Variants in PSME3IP1 observed in about 807,000 individuals in gnomAD.
The protein encoded by PSME3IP1 is PSME3-interacting protein.
In PSME3IP1, 13 loss-of-function variants were observed where a neutral mutation model predicts 34.1. The observed-to-expected ratio is 0.38, with a 90% CI of 0.25 to 0.61. The LOEUF is 0.61. PSME3IP1 is among the 20% of genes least tolerant of loss of function. The pLI, the probability that PSME3IP1 is intolerant of heterozygous loss-of-function variation, is 0.60. For missense variants in PSME3IP1, 237 were observed against 301.4 expected (o/e 0.79, Z 1.58); for synonymous variants, 93 against 114.3 (o/e 0.81, Z 1.19).
chr16:57,180,754 A>ACAAACAAACAGACAAACAGGCTAGGC (rs1567450493), intron 1 of PSME3IP1, among the ~76,000 whole-genome samples: 2 of 152,114 alleles, frequency 1.3e-5, no homozygotes, highest in Non-Finnish European at 2.9e-5. Context: ...AAACAAACAA[A>ACAAACAAACAGACAAACAGGCTAGGC]CAAACAAACA....
chr16:57,171,652 G>A (rs1356087948), intron 4 of PSME3IP1, among the ~76,000 whole-genome samples: 1 of 152,204 alleles, frequency 6.6e-6, no homozygotes, highest in Admixed American at 6.5e-5. Context: ...AGGACTACCA[G>A]TTACTGGGAC....
rs1358421055 is a variant in PSME3IP1 at position 57,152,571 on chromosome 16, A to T, written c.*1719T>A. ...CATCAAGAGGCCATGAGATACAGTA[A>T]TGGCCTCTTAAGAGTCATGCCACAT... is the stretch of plus-strand genomic sequence containing the variant. On this transcript the variant is annotated 3_prime_UTR_variant, in exon 7 of 7. Transcript: ENST00000309137. 4 of 152,624 alleles carry T rather than the reference A, an allele frequency of 2.6e-5. No homozygotes were observed. Among genetic ancestry groups the T allele is most frequent in the Non-Finnish European group, 1.5e-5 (1 of 68,048 alleles). 9.5% of individuals were successfully genotyped at this position (152,624 alleles called of 1,614,324 possible).
intron 2 of PSME3IP1, 73 bp from the exon 3 acceptor site, chr16:57,172,947 T>A (rs2072769392): frequency 9.8e-7 from 1 of 1,018,604 alleles, no homozygotes; most frequent in African/African-American, 1.6e-5. Flanking sequence ...TCATATTATT[T>A]TGGAATCACA....
chr16:57,175,234 C>T (rs1275372232), intron 1 of PSME3IP1, among the ~76,000 whole-genome samples: 1 of 152,122 alleles, frequency 6.6e-6, no homozygotes, highest in Non-Finnish European at 1.5e-5. Flanking sequence ...AGGCTTGTCT[C>T]GAACTCCTGA....
intron 1 of PSME3IP1, chr16:57,178,554 C>A (rs1180722924): frequency 1.0e-6 from 1 of 985,246 alleles, no homozygotes; most frequent in African/African-American, 1.7e-5. Context: ...GGAATGAACT[C>A]ACATGAATAT....
At chr16:57,178,389 G>A (rs1199898620) in intron 1 of PSME3IP1, 2 of 210,196 alleles carry the variant, frequency 9.5e-6, no homozygotes, top group Non-Finnish European at 1.7e-5. Context: ...CTCTACTACA[G>A]CCCTTATTCT....
At chr16:57,180,187 A>G (rs1427784651) in intron 1 of PSME3IP1, among the ~76,000 whole-genome samples, 1 of 152,264 alleles carries the variant, frequency 6.6e-6, no homozygotes, top group Admixed American at 6.5e-5. Context: ...CATATTTTAA[A>G]TGTTTATCAT....
At position 57,154,529 on chromosome 16, in the gene PSME3IP1, T is replaced by A. The variant is rs770185271; in HGVS notation, c.548-22A>T. On this transcript the variant is annotated intron_variant, in intron 6 of 6. Coordinates refer to ENST00000309137, the MANE Select transcript of PSME3IP1 (RefSeq NM_024946.4). The surrounding 1 kb of genome is among the most constrained non-coding windows in gnomAD (Gnocchi z 4.0). ...GGCTCTGCAATAAAAGGGGAAAGACTGTCACTTCATCACCCTTTTCCAAAG... is the reference window on the plus strand; with the variant it reads ...GGCTCTGCAATAAAAGGGGAAAGACAGTCACTTCATCACCCTTTTCCAAAG... The A allele has an allele frequency of 1.3e-6, 2 of 1,566,586 alleles. No homozygotes were observed. The highest frequency in any genetic ancestry group is 2.0e-4 in the Middle Eastern group (1 of 4,900).
rs138956907 is a variant in PSME3IP1, at chr16:57,153,775, A to T, written c.*515T>A. 106 of 155,090 alleles carry T rather than the reference A, an allele frequency of 6.8e-4. 1 individual carries two copies. The East Asian group carries it at 0.017, about 25-fold the overall frequency. 9.6% of individuals were successfully genotyped at this position (155,090 alleles called of 1,614,324 possible). On this transcript the variant is annotated 3_prime_UTR_variant, in exon 7 of 7. Coordinates refer to ENST00000309137, the MANE Select transcript of PSME3IP1 (RefSeq NM_024946.4). ...TTTACTTAGTCACACAACATCAAGG[A>T]CTGGTTAGTTCCAGGGAAGGGCTCC... is the stretch of plus-strand genomic sequence containing the variant.
Position 57,173,874 on chromosome 16 carries a change from A to G in PSME3IP1, c.-15-5T>C. ...ATCCATAATGAAACAACCAATCTACAAAACAAAAACAAAAACAAAAAAAAT... is the reference window on the plus strand; with the variant it reads ...ATCCATAATGAAACAACCAATCTACGAAACAAAAACAAAAACAAAAAAAAT... On this transcript the variant is annotated splice_region_variant and splice_polypyrimidine_tract_variant and intron_variant, in intron 1 of 6. Transcript: ENST00000309137. 1.3e-6 allele frequency: 2 copies of G among 1,596,558 alleles called. No individual in the cohort carries two copies. The highest frequency in any genetic ancestry group is 1.7e-6 in the Non-Finnish European group (2 of 1,172,282).
In PSME3IP1 at chr16:57,167,246, T is replaced by C. The variant is rs2145686560; in HGVS notation, c.349-20A>G. On this transcript the variant is annotated intron_variant, in intron 4 of 6. Coordinates refer to ENST00000309137, the MANE Select transcript of PSME3IP1 (RefSeq NM_024946.4). ...GTTATTGTGAGTTACCAGTTAAGGGTCAAACTAAGCAAAAGGGAAGACAAC... is the reference window on the plus strand; with the variant it reads ...GTTATTGTGAGTTACCAGTTAAGGGCCAAACTAAGCAAAAGGGAAGACAAC... 6.2e-7 allele frequency: 1 copy of C among 1,614,126 alleles called. No individual in the cohort carries two copies. The highest frequency in any genetic ancestry group is 2.2e-5 in the East Asian group (1 of 44,880).
In PSME3IP1 at chr16:57,154,455, G is replaced by A; in HGVS notation, c.600C>T (p.Ile200=). 6.2e-7 allele frequency: 1 copy of A among 1,613,934 alleles called. No individual in the cohort carries two copies. Among genetic ancestry groups the A allele is most frequent in the Non-Finnish European group, 8.5e-7 (1 of 1,179,892 alleles). The stretch of plus-strand genomic sequence containing the variant: ...TACATACTGCAGCAGAGGGGCAGTG[G>A]ATGGAGGGGCCACTCAGGGAGGTGT... The part of the protein sequence containing the change: ...LGNTSLSGPS[I]HCPSAAVCIG... Residue 200 remains isoleucine (I), a synonymous_variant, in exon 7 of 7, where the codon ATC becomes ATT. Transcript: ENST00000309137. This position sits in a 1 kb window ranked among gnomAD's most constrained non-coding sequence, Gnocchi z 4.0.
At chr16:57,180,194 T>C (rs1191070515) in intron 1 of PSME3IP1, among the ~76,000 whole-genome samples, 1 of 152,230 alleles carries the variant, frequency 6.6e-6, no homozygotes, top group African/African-American at 2.4e-5. Flanking sequence ...TAAATGTTTA[T>C]CATAAGGAGC....
At chr16:57,171,442 G>A (rs565637142) in intron 4 of PSME3IP1, among the ~76,000 whole-genome samples, 1 of 152,198 alleles carries the variant, frequency 6.6e-6, no homozygotes, top group Admixed American at 6.5e-5. Context: ...AAAGTGACAT[G>A]ATGCCATGTA....
intron 1 of PSME3IP1, among the ~76,000 whole-genome samples, chr16:57,185,053 G>A (rs1165690342): frequency 6.6e-6 from 1 of 152,196 alleles, no homozygotes; most frequent in Non-Finnish European, 1.5e-5. Flanking sequence ...TGTCACAGGT[G>A]GTAGGCAAGA....
At chr16:57,185,624 T>C (rs1200170504) in intron 1 of PSME3IP1, 197 bp downstream of exon 1, 1 of 985,328 alleles carries the variant, frequency 1.0e-6, no homozygotes, top group African/African-American at 1.7e-5. Flanking sequence ...GCGACCCAGA[T>C]GCCTTCCCGC....
rs374700501 is a variant in PSME3IP1 at position 57,170,516 on chromosome 16, T to A, written c.348+1735A>T. Reference sequence around the variant, plus strand: ...ATTACACCAGTGATGTTACTCAACATATAAGCTTGAAATATCCAAATAAGC... The same window carrying A: ...ATTACACCAGTGATGTTACTCAACAAATAAGCTTGAAATATCCAAATAAGC... On this transcript the variant is annotated intron_variant, in intron 4 of 6. Coordinates refer to ENST00000309137, the MANE Select transcript of PSME3IP1 (RefSeq NM_024946.4). Among the ~76,000 whole-genome samples the A allele has an allele frequency of 7.9e-5, 12 of 152,358 alleles. No homozygotes were observed. The South Asian group carries it at 2.5e-3, about 32-fold the overall frequency.
chr16:57,168,377 A>C (rs1597668606), intron 4 of PSME3IP1, among the ~76,000 whole-genome samples: 1 of 152,214 alleles, frequency 6.6e-6, no homozygotes, highest in South Asian at 2.1e-4. Context: ...TATGGGCACA[A>C]GTTACCTTAA....
chr16:57,154,590 C>CAAG lies in PSME3IP1; in HGVS notation c.548-86_548-84dup. ...ACTTACCATGTGCCAGGCACTGTAC[C>CAAG]AAGGGATTTTCCCACAGAGGAGCCT... On this transcript the variant is annotated intron_variant, in intron 6 of 6. Transcript: ENST00000309137. This position sits in a 1 kb window ranked among gnomAD's most constrained non-coding sequence, Gnocchi z 4.0. The CAAG allele has an allele frequency of 8.2e-7, 1 of 1,214,396 alleles. No homozygotes were observed. Among genetic ancestry groups the CAAG allele is most frequent in the Non-Finnish European group, 1.1e-6 (1 of 880,920 alleles). The allele number at this position is 1,214,396 out of a possible 1,614,324, so 75.2% of individuals were successfully genotyped here.
Sources: gnomAD v4.1 joint callset for allele counts (sites outside exome capture counted in the v4.1 genomes callset) on GRCh38, gnomAD v4.1.1 for gene constraint, Gnocchi (gnomAD v3.1) non-coding constraint, MANE v1.5 for transcripts, NCBI Gene and HGNC (gene_info 2026-07-23, HGNC 2026-07-21) for gene names.